ELMO1: variants seen among roughly 807,000 people sequenced by gnomAD.
The protein encoded by ELMO1 is engulfment and cell motility protein 1.
Under a neutral mutation model 98.9 loss-of-function variants are expected in ELMO1, and 26 were observed. That is an observed-to-expected ratio of 0.26 (90% CI 0.19 to 0.36). The LOEUF (loss-of-function observed/expected upper bound fraction) is 0.36, where lower values mean the gene tolerates loss of function less well. ELMO1 is among the 10% of genes least tolerant of loss of function. ELMO1 has a pLI of 1.00. For missense variants in ELMO1, 627 were observed against 935.2 expected (o/e 0.67, Z 4.30); for synonymous variants, 346 against 346.0 (o/e 1.00, Z 0.00).
At chr7:37,263,554 T>C (rs1336108144) in intron 5 of ELMO1, among the ~76,000 whole-genome samples, 2 of 152,202 alleles carry the variant, frequency 1.3e-5, no homozygotes, top group East Asian at 1.9e-4. Flanking sequence ...GGGTTTGTGT[T>C]AGAGAGTGAC....
chr7:37,245,268 A>G (rs949000345), intron 6 of ELMO1, among the ~76,000 whole-genome samples: 1 of 152,190 alleles, frequency 6.6e-6, no homozygotes, highest in East Asian at 1.9e-4. Context: ...CACATCAGCT[A>G]TAAGCCTCAG....
chr7:37,161,979 G>A (rs575609659), intron 13 of ELMO1, among the ~76,000 whole-genome samples: 7 of 127,140 alleles, frequency 5.5e-5, no homozygotes, highest in Admixed American at 1.8e-4. Flanking sequence ...AGTGAGGTGA[G>A]TTTGTAAATA....
At chr7:37,212,280 TAA>T (rs1793019381) in intron 12 of ELMO1, among the ~76,000 whole-genome samples, 1 of 152,310 alleles carries the variant, frequency 6.6e-6, no homozygotes, top group South Asian at 2.1e-4. Context: ...TTCTGCAAGA[TAA>T]AAAGAGTTCT....
intron 13 of ELMO1, among the ~76,000 whole-genome samples, chr7:37,193,212 T>G (rs532660025): frequency 1.3e-5 from 2 of 151,982 alleles, no homozygotes; most frequent in Middle Eastern, 6.8e-3. Flanking sequence ...CTTTGACCAC[T>G]TCCCCCCTGG....
In ELMO1 at chr7:37,267,081, ACACACACG is replaced by A. The variant is rs1375902277; in HGVS notation, c.243+4743_243+4750del. On this transcript the variant is annotated intron_variant, in intron 5 of 21. Coordinates refer to ENST00000310758, the MANE Select transcript of ELMO1 (RefSeq NM_014800.11). The stretch of plus-strand genomic sequence containing the variant: ...CACACACACACACACACACACACAC[ACACACACG>A]AGTACTACTGGAAGTTACCAAATAA... Among the ~76,000 whole-genome samples, 315 of 145,710 alleles carry A rather than the reference ACACACACG, an allele frequency of 2.2e-3. 5 individuals are homozygous for A. The highest frequency in any genetic ancestry group is 3.1e-3 in the Non-Finnish European group (208 of 66,518).
At chr7:37,320,369 T>C (rs1300053753) in intron 2 of ELMO1, among the ~76,000 whole-genome samples, 1 of 152,068 alleles carries the variant, frequency 6.6e-6, no homozygotes, top group Non-Finnish European at 1.5e-5. Flanking sequence ...TCTGTACACG[T>C]TCCCCATGCT....
chr7:37,217,438 G>A (rs1029876323), intron 10 of ELMO1, among the ~76,000 whole-genome samples: 7 of 152,160 alleles, frequency 4.6e-5, no homozygotes, highest in Non-Finnish European at 1.0e-4. Context: ...TAAAAATACT[G>A]CTCATATTCA....
At chr7:36,983,728 C>G (rs1791264489) in intron 16 of ELMO1, among the ~76,000 whole-genome samples, 1 of 152,172 alleles carries the variant, frequency 6.6e-6, no homozygotes, top group Non-Finnish European at 1.5e-5. Context: ...GATGGGGCTG[C>G]AGCATTTAGC....
chr7:37,231,897 G>A (rs1489688212), intron 8 of ELMO1, among the ~76,000 whole-genome samples: 1 of 152,242 alleles, frequency 6.6e-6, no homozygotes, highest in South Asian at 2.1e-4. Context: ...CCGTCACCCA[G>A]ACTGGAGTGT....
intron 16 of ELMO1, among the ~76,000 whole-genome samples, chr7:36,914,554 G>A (rs1394471020): frequency 2.7e-5 from 4 of 145,924 alleles, no homozygotes; most frequent in Non-Finnish European, 3.0e-5. Flanking sequence ...TCACTCTGTC[G>A]CCAGGCTGGA....
intron 1 of ELMO1, among the ~76,000 whole-genome samples, chr7:37,439,771 GA>G (rs1199039680): frequency 6.6e-6 from 1 of 152,214 alleles, no homozygotes; most frequent in Non-Finnish European, 1.5e-5. Flanking sequence ...CAGTAATTGA[GA>G]AAGTAGTTCT....
chr7:37,114,113 G>A (rs369438633), intron 14 of ELMO1, among the ~76,000 whole-genome samples: 2 of 152,208 alleles, frequency 1.3e-5, no homozygotes, highest in African/African-American at 2.4e-5. Flanking sequence ...AGTGCTGAAC[G>A]TTTTTACTCT....
intron 16 of ELMO1, among the ~76,000 whole-genome samples, chr7:36,937,840 C>A (rs770827285): frequency 6.6e-6 from 1 of 152,158 alleles, no homozygotes; most frequent in Non-Finnish European, 1.5e-5. Context: ...AAGTGGAGCT[C>A]CTACAGCTGA....
intron 1 of ELMO1, among the ~76,000 whole-genome samples, chr7:37,396,468 A>G (rs1174128337): frequency 6.6e-6 from 1 of 152,302 alleles, no homozygotes; most frequent in Non-Finnish European, 1.5e-5. Context: ...GAATGATAAA[A>G]TAAGATTGCT....
chr7:36,976,031 G>C (rs940437669), intron 16 of ELMO1, among the ~76,000 whole-genome samples: 3 of 152,114 alleles, frequency 2.0e-5, no homozygotes, highest in Admixed American at 1.3e-4. Context: ...TGTAAAAGCC[G>C]AAATACTAAA....
At chr7:37,075,147 AT>A (rs113966386) in intron 15 of ELMO1, among the ~76,000 whole-genome samples, 3,811 of 139,996 alleles carry the variant, frequency 0.027, 46 homozygotes, top group Admixed American at 0.038. Context: ...TTCATTTGGA[AT>A]TTTTTTTTTT....
intron 20 of ELMO1, among the ~76,000 whole-genome samples, chr7:36,867,209 A>G (rs1350710396): frequency 6.6e-6 from 1 of 152,156 alleles, no homozygotes; most frequent in Non-Finnish European, 1.5e-5. Context: ...TCCATCATCC[A>G]TCTATCCATC....
At chr7:37,104,500 G>A (rs1391525379) in intron 14 of ELMO1, among the ~76,000 whole-genome samples, 1 of 152,070 alleles carries the variant, frequency 6.6e-6, no homozygotes, top group Non-Finnish European at 1.5e-5. Flanking sequence ...GGGAGAGAGA[G>A]TTAGAAAAGG....
At chr7:37,151,484 C>T (rs1357121904) in intron 13 of ELMO1, among the ~76,000 whole-genome samples, 2 of 152,100 alleles carry the variant, frequency 1.3e-5, no homozygotes, top group Non-Finnish European at 2.9e-5. Flanking sequence ...TTCTAGCTCC[C>T]AAGCCTTCCG....
Sources: allele counts gnomAD v4.1 joint callset (sites outside exome capture counted in the v4.1 genomes callset), GRCh38; gene constraint gnomAD v4.1.1; transcripts MANE v1.5; gene names NCBI Gene and HGNC (gene_info 2026-07-23, HGNC 2026-07-21).